MAP3K13: variants seen among roughly 807,000 people sequenced by gnomAD.
MAP3K13 encodes mitogen-activated protein kinase kinase kinase 13, also known as leucine zipper-bearing kinase.
A neutral mutation model predicts 104.0 loss-of-function variants in MAP3K13; 52 were observed. The ratio of observed to expected loss-of-function variants is 0.50; its 90% confidence interval spans 0.40 to 0.63. The LOEUF (loss-of-function observed/expected upper bound fraction) is 0.63, where lower values mean the gene tolerates loss of function less well. Among genes scored for constraint, MAP3K13 ranks in the 20% least tolerant of loss-of-function variants. The probability of loss-of-function intolerance (pLI) is 0.00; values close to 1 mark genes in which losing one functional copy is unlikely to be tolerated. For synonymous variants in MAP3K13, 394 were observed against 442.2 expected (o/e 0.89, Z 1.37); for missense variants, 914 against 1,218.5 (o/e 0.75, Z 3.72).
At chr3:185,424,773 A>G (rs1210436061) in intron 1 of MAP3K13, among the ~76,000 whole-genome samples, 2 of 152,210 alleles carry the variant, frequency 1.3e-5, no homozygotes, top group East Asian at 3.8e-4. Context: ...GGTAACAGTA[A>G]CGTTCTATAT....
intron 10 of MAP3K13, among the ~76,000 whole-genome samples, chr3:185,468,892 A>G (rs1214268236): frequency 1.3e-5 from 2 of 152,260 alleles, no homozygotes; most frequent in Non-Finnish European, 2.9e-5. Context: ...TTCTGCCTAC[A>G]GTTAAAACTA....
chr3:185,295,457 C>T (rs1178486740), intron 2 of MAP3K13, among the ~76,000 whole-genome samples: 1 of 152,208 alleles, frequency 6.6e-6, no homozygotes, highest in Non-Finnish European at 1.5e-5. Context: ...CCCACCTGGG[C>T]CTCCCAAAGT....
chr3:185,359,397 C>G (rs902738859), upstream of MAP3K13, among the ~76,000 whole-genome samples: 1 of 152,028 alleles, frequency 6.6e-6, no homozygotes, highest in Non-Finnish European at 1.5e-5. Flanking sequence ...GGACACAGAG[C>G]CAAACCATAT....
intron 2 of MAP3K13, among the ~76,000 whole-genome samples, chr3:185,301,146 A>T (rs1295645158): frequency 6.6e-6 from 1 of 151,632 alleles, no homozygotes; most frequent in Non-Finnish European, 1.5e-5. Flanking sequence ...TAATTAATTA[A>T]TTTTTTAACA....
chr3:185,455,486 TGA>T lies in MAP3K13; in HGVS notation c.1278+4094_1278+4095del, dbSNP rs1321205773. ...ATATGAGATATATACATGATATATA[TGA>T]GATATATACATGAGATATATATGAG... On this transcript the variant is annotated intron_variant, in intron 7 of 13. Transcript: ENST00000265026. Among the ~76,000 whole-genome samples, 5 of 104,354 alleles carry T rather than the reference TGA, an allele frequency of 4.8e-5. No homozygotes were observed. The East Asian group carries it at 1.0e-3, about 21-fold the overall frequency. The allele number at this position is 104,354 out of a possible 152,430, so 68.5% of individuals were successfully genotyped here. A position where few individuals can be genotyped will look rare whatever the true frequency, so the allele number is the denominator to read the frequency against.
chr3:185,329,299 T>G, intron 2 of MAP3K13: 1 of 701,256 alleles, frequency 1.4e-6, no homozygotes, highest in South Asian at 1.5e-5. Context: ...GTGCTTAGAT[T>G]TATCCTCATG....
chr3:185,320,991 G>A (rs908175672), intron 2 of MAP3K13, among the ~76,000 whole-genome samples: 7 of 151,804 alleles, frequency 4.6e-5, no homozygotes, highest in South Asian at 2.1e-4. Flanking sequence ...GTGTGTGTGC[G>A]TGCATATATA....
intron 2 of MAP3K13, among the ~76,000 whole-genome samples, chr3:185,354,785 A>T (rs140293592): frequency 6.6e-6 from 1 of 152,218 alleles, no homozygotes; most frequent in African/African-American, 2.4e-5. Flanking sequence ...ATTGTTACTC[A>T]TCTCACCAAA....
chr3:185,426,965 C>A (rs1714457116), intron 1 of MAP3K13, among the ~76,000 whole-genome samples: 1 of 152,116 alleles, frequency 6.6e-6, no homozygotes, highest in African/African-American at 2.4e-5. Context: ...CATCTTCATA[C>A]CCTGACCTCT....
Position 185,482,217 on chromosome 3 carries a change from T to C in MAP3K13, c.2800-138T>C, listed in dbSNP as rs1718504001. 2 of 645,302 alleles carry C rather than the reference T, an allele frequency of 3.1e-6. No individual in the cohort carries two copies. The highest frequency in any genetic ancestry group is 5.6e-6 in the Non-Finnish European group (2 of 358,584). 40.0% of individuals were successfully genotyped at this position (645,302 alleles called of 1,614,324 possible). On this transcript the variant is annotated intron_variant, in intron 13 of 13. Transcript: ENST00000265026. This position sits in a 1 kb window ranked among gnomAD's most constrained non-coding sequence, Gnocchi z 4.5. ...ATCATGTGTTTTCTTTCTCCATAAG[T>C]CCCACAAGGACAGGACCTGGTCTCG...
At chr3:185,432,185 C>CTTTTTTTTTTTTT (rs11407161) in intron 2 of MAP3K13, among the ~76,000 whole-genome samples, 1 of 90,112 alleles carries the variant, frequency 1.1e-5, no homozygotes, top group Non-Finnish European at 2.1e-5. Flanking sequence ...TTTCTAATTG[C>CTTTTTTTTTTTTT]TTTTTTTTTT....
chr3:185,323,624 T>C (rs1721943916), intron 2 of MAP3K13, among the ~76,000 whole-genome samples: 1 of 152,014 alleles, frequency 6.6e-6, no homozygotes, highest in African/African-American at 2.4e-5. Context: ...TGAGCCACCG[T>C]GCCTGGCCAC....
intron 11 of MAP3K13, among the ~76,000 whole-genome samples, chr3:185,475,042 C>T (rs1379030264): frequency 6.8e-6 from 1 of 147,776 alleles, no homozygotes; most frequent in Non-Finnish European, 1.5e-5. Flanking sequence ...TGCAGTGAGC[C>T]GAGATCCCGC....
rs1718607147 is a variant in MAP3K13 at position 185,483,975 on chromosome 3, G to C, written c.*1519G>C. 1 of 152,098 alleles carries C rather than the reference G, an allele frequency of 6.6e-6. No homozygotes were observed. The highest frequency in any genetic ancestry group is 2.4e-5 in the African/African-American group (1 of 41,386). The allele number at this position is 152,098 out of a possible 1,614,324, so 9.4% of individuals were successfully genotyped here. A position where few individuals can be genotyped will look rare whatever the true frequency, so the allele number is the denominator to read the frequency against. ...GATCCGCCTGCCTCGGCCTCCCAAA[G>C]TGCTGGGATTACAGGCATCAGCCAC... is the stretch of plus-strand genomic sequence containing the variant. On this transcript the variant is annotated 3_prime_UTR_variant, in exon 14 of 14. Coordinates refer to ENST00000265026, the MANE Select transcript of MAP3K13 (RefSeq NM_004721.5).
intron 2 of MAP3K13, among the ~76,000 whole-genome samples, chr3:185,320,978 C>A (rs1464402526): frequency 2.6e-5 from 4 of 152,016 alleles, no homozygotes; most frequent in Admixed American, 1.3e-4. Flanking sequence ...GACAGTAGTG[C>A]ATGTGTGTGT....
In MAP3K13 at chr3:185,429,018, G is replaced by C. The variant is rs775342577; in HGVS notation, c.437G>C (p.Gly146Ala). The C allele has an allele frequency of 1.2e-6, 2 of 1,614,078 alleles. No homozygotes were observed. The highest frequency in any genetic ancestry group is 2.2e-5 in the East Asian group (1 of 44,878). Residue 146 changes from glycine (G) to alanine (A), a missense_variant, in exon 2 of 14, where the codon GGG (glycine) becomes GCG (alanine). By Grantham distance (60) the Gly-to-Ala change is moderately conservative. Around this residue, in one of 3 missense-constraint regions of MAP3K13, gnomAD observed 175 missense variants for 321.3 expected, o/e 0.54. Coordinates refer to ENST00000265026, the MANE Select transcript of MAP3K13 (RefSeq NM_004721.5). ...TTAAGGCCTGTATGGAATATCATTG[G>C]GAAGGCATATTCCACTGATTACAAA... ...GCLRPVWNIIGKAYSTDYKLQ... is the reference protein window; with the variant it reads ...GCLRPVWNIIAKAYSTDYKLQ...
chr3:185,454,535 GAT>G (rs199512280), intron 7 of MAP3K13, among the ~76,000 whole-genome samples: 60,972 of 97,332 alleles, frequency 0.63, 19,551 homozygotes, highest in Non-Finnish European at 0.72. Flanking sequence ...ATATATATGA[GAT>G]ATATATATGA....
At chr3:185,456,457 G>T (rs1716749498) in intron 7 of MAP3K13, among the ~76,000 whole-genome samples, 1 of 152,056 alleles carries the variant, frequency 6.6e-6, no homozygotes. Flanking sequence ...AGGTATCGGG[G>T]CACTGGATGA....
At chr3:185,471,568 T>C (rs1717791277) in intron 10 of MAP3K13, among the ~76,000 whole-genome samples, 3 of 149,706 alleles carry the variant, frequency 2.0e-5, no homozygotes, top group African/African-American at 7.4e-5. Context: ...CAAGTGATTC[T>C]CCTGCCTCAG....
Sources: allele counts gnomAD v4.1 joint callset (sites outside exome capture counted in the v4.1 genomes callset), GRCh38; gene constraint gnomAD v4.1.1; regional missense constraint gnomAD v4.1.1; non-coding constraint Gnocchi (gnomAD v3.1); transcripts MANE v1.5; gene names NCBI Gene and HGNC (gene_info 2026-07-23, HGNC 2026-07-21).